KANK1: variants seen among roughly 807,000 people sequenced by gnomAD.
KANK1 encodes the protein KN motif and ankyrin repeat domains 1, also known as KN motif and ankyrin repeat domain-containing protein 1.
In KANK1, 109 loss-of-function variants were observed where a neutral mutation model predicts 106.2. That is an observed-to-expected ratio of 1.03 (90% CI 0.88 to 1.20). KANK1 has a LOEUF of 1.20. Ranked by LOEUF, KANK1 falls within the 50% of genes most tolerant of loss-of-function variation. The pLI, the probability that KANK1 is intolerant of heterozygous loss-of-function variation, is 0.00. For synonymous variants in KANK1, 873 were observed against 652.2 expected, an observed-to-expected ratio of 1.34 and a Z score of -5.16; for missense variants, 2,399 against 1,710.7, an observed-to-expected ratio of 1.40 and a Z score of -7.10.
chr9:742,112 C>A, intron 9 of KANK1, 93 bp from the exon 10 acceptor site: 1 of 1,082,886 alleles, frequency 9.2e-7, no homozygotes, highest in Non-Finnish European at 1.4e-6. Flanking sequence ...TCTGTCACCA[C>A]ACTCTTCCCC....
intron 1 of KANK1, among the ~76,000 whole-genome samples, chr9:521,856 C>G (rs1373023703): frequency 4.6e-5 from 7 of 151,698 alleles, no homozygotes; most frequent in Non-Finnish European, 8.8e-5. Context: ...GCATGAGCCA[C>G]TGTGCCTGGC....
intron 1 of KANK1, among the ~76,000 whole-genome samples, chr9:629,870 C>G (rs568974079): frequency 6.6e-6 from 1 of 152,336 alleles, no homozygotes; most frequent in East Asian, 1.9e-4. Flanking sequence ...TGAGTGTTTT[C>G]TGTGTGTCAG....
intron 1 of KANK1, among the ~76,000 whole-genome samples, chr9:582,879 T>A (rs1362939936): frequency 6.6e-6 from 1 of 152,230 alleles, no homozygotes; most frequent in Non-Finnish European, 1.5e-5. Flanking sequence ...CACTAACATA[T>A]AAGCCGGTGA....
chr9:741,639 C>T (rs778668721), intron 9 of KANK1, among the ~76,000 whole-genome samples: 39 of 152,084 alleles, frequency 2.6e-4, no homozygotes, highest in Admixed American at 2.2e-3. Flanking sequence ...AGGCGCCCAC[C>T]CCCACGTCCG....
intron 2 of KANK1, chr9:707,224 G>A (rs1051540575): frequency 8.1e-6 from 8 of 986,198 alleles, no homozygotes; most frequent in Non-Finnish European, 9.6e-6. Flanking sequence ...GCGGGCTGGC[G>A]GGGAGCGCGG....
chr9:481,032 T>C (rs540538182), intron 3 of KANK1, among the ~76,000 whole-genome samples: 11 of 152,336 alleles, frequency 7.2e-5, no homozygotes, highest in African/African-American at 2.6e-4. Flanking sequence ...TAGCCTAGCC[T>C]ACCTTACACA....
chr9:585,155 C>G (rs779106904), intron 1 of KANK1, among the ~76,000 whole-genome samples: 4 of 152,166 alleles, frequency 2.6e-5, no homozygotes, highest in Non-Finnish European at 2.9e-5. Context: ...GTCCCTTGAC[C>G]CTTCACTGTG....
chr9:562,911 A>T (rs1236588699), intron 1 of KANK1, among the ~76,000 whole-genome samples: 1 of 152,186 alleles, frequency 6.6e-6, no homozygotes, highest in Admixed American at 6.5e-5. Context: ...TCATTGTTTT[A>T]TTAACACATT....
chr9:598,630 T>C lies in KANK1; in HGVS notation c.-83-78260T>C, dbSNP rs1337093318. ...TGTTTTGTTGGTTTTCTTTTTTTTT[T>C]TTTTTTTTTTTTTTTTTTTTGAGAC... On this transcript the variant is annotated intron_variant, in intron 1 of 11. Coordinates refer to ENST00000382297, the MANE Select transcript of KANK1 (RefSeq NM_015158.5). Among the ~76,000 whole-genome samples, 428 of 104,100 alleles carry C rather than the reference T, an allele frequency of 4.1e-3. 8 individuals carry two copies. The highest frequency in any genetic ancestry group is 0.011 in the South Asian group (33 of 3,106). 68.3% of individuals were successfully genotyped at this position (104,100 alleles called of 152,430 possible). A position where few individuals can be genotyped will look rare whatever the true frequency, so the allele number is the denominator to read the frequency against.
chr9:574,260 C>A (rs1446878506), intron 1 of KANK1, among the ~76,000 whole-genome samples: 1 of 152,230 alleles, frequency 6.6e-6, no homozygotes, highest in African/African-American at 2.4e-5. Flanking sequence ...GGCAGGGCCC[C>A]AGCGGTCTTT....
chr9:701,619 C>T (rs1390091782), intron 2 of KANK1, among the ~76,000 whole-genome samples: 1 of 151,986 alleles, frequency 6.6e-6, no homozygotes, highest in Non-Finnish European at 1.5e-5. Context: ...CCCCAAGCAG[C>T]GACAACAATA....
chr9:513,624 G>T (rs1050005494), intron 1 of KANK1, among the ~76,000 whole-genome samples: 10 of 152,104 alleles, frequency 6.6e-5, no homozygotes, highest in Non-Finnish European at 1.5e-4. Flanking sequence ...ATTTGACTTG[G>T]TTAGTGGCAA....
chr9:721,515 A>G (rs1026339327), intron 3 of KANK1, among the ~76,000 whole-genome samples: 17 of 152,244 alleles, frequency 1.1e-4, no homozygotes, highest in African/African-American at 3.9e-4. Flanking sequence ...TTGGAAATAA[A>G]TTGGTCCCAC....
intron 1 of KANK1, among the ~76,000 whole-genome samples, chr9:562,388 G>C (rs1480027138): frequency 6.6e-6 from 1 of 152,126 alleles, no homozygotes; most frequent in Non-Finnish European, 1.5e-5. Flanking sequence ...GCCAGAGCTG[G>C]GTAACAACTG....
chr9:646,505 CTTTTG>C (rs1839698669), intron 1 of KANK1, among the ~76,000 whole-genome samples: 3 of 150,576 alleles, frequency 2.0e-5, no homozygotes, highest in Non-Finnish European at 4.4e-5. Flanking sequence ...GAATAATTTT[CTTTTG>C]AAAACTTTCT....
In KANK1 at chr9:512,779, T is replaced by C. The variant is rs1171750857; in HGVS notation, c.-84+8025T>C. On this transcript the variant is annotated intron_variant, in intron 1 of 11. Transcript: ENST00000382297. ...TACTGCCAGTCTATGCTTGAGTTCA[T>C]AAATTTGACAGTGTCTGTTAACTTC... Among the ~76,000 whole-genome samples, 4 of 152,196 alleles carry C rather than the reference T, an allele frequency of 2.6e-5. No homozygotes were observed. The South Asian group carries it at 6.2e-4, about 24-fold the overall frequency.
At chr9:577,566 C>A (rs1227438450) in intron 1 of KANK1, among the ~76,000 whole-genome samples, 1 of 152,182 alleles carries the variant, frequency 6.6e-6, no homozygotes, top group Non-Finnish European at 1.5e-5. Context: ...CCGGCTTCAC[C>A]TCTCAGTATC....
chr9:577,036 C>T (rs987346252), intron 1 of KANK1, among the ~76,000 whole-genome samples: 6 of 152,130 alleles, frequency 3.9e-5, no homozygotes, highest in African/African-American at 1.2e-4. Flanking sequence ...TTCATGGCCT[C>T]GCTGACTTGA....
At chr9:569,932 G>T (rs1441561743) in intron 1 of KANK1, among the ~76,000 whole-genome samples, 2 of 151,770 alleles carry the variant, frequency 1.3e-5, no homozygotes, top group African/African-American at 2.4e-5. Flanking sequence ...CACTTGATAC[G>T]TTGTAAGGTT....
Sources: allele counts gnomAD v4.1 joint callset (sites outside exome capture counted in the v4.1 genomes callset), GRCh38; gene constraint gnomAD v4.1.1; transcripts MANE v1.5; gene names NCBI Gene and HGNC (gene_info 2026-07-23, HGNC 2026-07-21).